The following ANO10 variants were observed in gnomAD, a reference collection of about 807,000 sequenced individuals.
The protein encoded by ANO10 is anoctamin 10, also known as anoctamin-10.
Under a neutral mutation model 74.7 loss-of-function variants are expected in ANO10, and 77 were observed. That is an observed-to-expected ratio of 1.03 (90% CI 0.86 to 1.25). ANO10 has a LOEUF of 1.25. ANO10 is among the 50% of genes most tolerant of loss of function. The pLI, the probability that ANO10 is intolerant of heterozygous loss-of-function variation, is 0.00. For missense variants in ANO10, 721 were observed against 778.1 expected (o/e 0.93, Z 0.87); for synonymous variants, 279 against 284.9 (o/e 0.98, Z 0.21).
At chr3:43,543,763 T>C (rs1038202) in intron 11 of ANO10, among the ~76,000 whole-genome samples, 58,804 of 152,038 alleles carry the variant, frequency 0.39, 11,922 homozygotes, top group African/African-American at 0.45. Context: ...AAAGAAACTG[T>C]AATTAAATGA....
intron 11 of ANO10, among the ~76,000 whole-genome samples, chr3:43,444,571 A>C (rs1431370634): frequency 1.3e-5 from 2 of 152,326 alleles, no homozygotes; most frequent in African/African-American, 4.8e-5. Context: ...CATTTACTTT[A>C]ATTGTATCAA....
At chr3:43,415,268 T>G (rs2092721467) in intron 12 of ANO10, among the ~76,000 whole-genome samples, 1 of 151,938 alleles carries the variant, frequency 6.6e-6, no homozygotes, top group African/African-American at 2.4e-5. Flanking sequence ...TAAGCCACCG[T>G]GCCCGGCTGT....
At chr3:43,676,791 TA>T (rs1474763612) in intron 1 of ANO10, among the ~76,000 whole-genome samples, 1 of 151,806 alleles carries the variant, frequency 6.6e-6, no homozygotes, top group African/African-American at 2.4e-5. Flanking sequence ...ATAAATAGTC[TA>T]AAAAAAGACT....
intron 12 of ANO10, among the ~76,000 whole-genome samples, chr3:43,385,145 T>C (rs372163461): frequency 1.3e-5 from 2 of 152,072 alleles, no homozygotes; most frequent in African/African-American, 4.8e-5. Flanking sequence ...GATGTACAAA[T>C]GGACAACAAG....
At chr3:43,597,494 C>T (rs991101914) in intron 4 of ANO10, among the ~76,000 whole-genome samples, 1 of 152,050 alleles carries the variant, frequency 6.6e-6, no homozygotes, top group Non-Finnish European at 1.5e-5. Flanking sequence ...CCATCATTCT[C>T]AGCAAACTAT....
upstream of ANO10, among the ~76,000 whole-genome samples, chr3:43,625,880 G>A (rs947281250): frequency 2.7e-5 from 4 of 150,222 alleles, no homozygotes; most frequent in Admixed American, 1.3e-4. Context: ...CTTTTACTAC[G>A]TACTACTTCT....
chr3:43,653,831 T>A (rs1350467621), intron 1 of ANO10, among the ~76,000 whole-genome samples: 1 of 151,942 alleles, frequency 6.6e-6, no homozygotes, highest in South Asian at 2.1e-4. Context: ...AGCCCCTCTA[T>A]CCCTTCGGAC....
chr3:43,395,813 T>C (rs1378418492), intron 12 of ANO10, among the ~76,000 whole-genome samples: 1 of 151,632 alleles, frequency 6.6e-6, no homozygotes, highest in Non-Finnish European at 1.5e-5. Flanking sequence ...GGGATTATAC[T>C]GAATCTATAG....
chr3:43,678,606 AC>A (rs1234557060), intron 1 of ANO10, among the ~76,000 whole-genome samples: 7 of 152,082 alleles, frequency 4.6e-5, no homozygotes, highest in Non-Finnish European at 1.0e-4. Flanking sequence ...TCTCACATGA[AC>A]CCCTTTAGAG....
intron 11 of ANO10, among the ~76,000 whole-genome samples, chr3:43,474,253 A>G (rs1207790258): frequency 6.8e-6 from 1 of 147,568 alleles, no homozygotes. Flanking sequence ...TCACATTAGA[A>G]GATTGTCAGC....
At chr3:43,529,532 A>G (rs1380378087) in intron 11 of ANO10, among the ~76,000 whole-genome samples, 1 of 152,200 alleles carries the variant, frequency 6.6e-6, no homozygotes, top group African/African-American at 2.4e-5. Context: ...CAAAGGGGAA[A>G]AGGAAAACTT....
intron 11 of ANO10, among the ~76,000 whole-genome samples, chr3:43,525,605 T>C (rs1372061366): frequency 6.6e-6 from 1 of 152,194 alleles, no homozygotes; most frequent in Non-Finnish European, 1.5e-5. Flanking sequence ...CACCACAAAG[T>C]ACTTTCACCA....
chr3:43,426,839 A>G (rs1412496856), intron 12 of ANO10, among the ~76,000 whole-genome samples: 1 of 152,184 alleles, frequency 6.6e-6, no homozygotes, highest in Non-Finnish European at 1.5e-5. Context: ...AAACTATTTT[A>G]TTTTCCTCAG....
At position 43,523,462 on chromosome 3, in the gene ANO10, C is replaced by T. The variant is rs183582430; in HGVS notation, c.1797+26258G>A. Among the ~76,000 whole-genome samples the T allele has an allele frequency of 3.5e-3, 533 of 152,288 alleles. 3 individuals carry two copies. Among genetic ancestry groups the T allele is most frequent in the African/African-American group, 0.012 (516 of 41,562 alleles). ...CAGAATGGATTAGAGAGCACCAAGA[C>T]TGGGGAGCCTGGATGCCAGTTAAGA... On this transcript the variant is annotated intron_variant, in intron 11 of 12. Transcript: ENST00000292246.
intron 1 of ANO10, chr3:43,690,777 G>A: frequency 4.6e-6 from 2 of 439,548 alleles, no homozygotes; most frequent in Non-Finnish European, 7.9e-6. Flanking sequence ...GCGTCGGGCG[G>A]GAGAACTAGT....
chr3:43,493,967 A>G (rs998180865), intron 11 of ANO10, among the ~76,000 whole-genome samples: 1 of 152,102 alleles, frequency 6.6e-6, no homozygotes, highest in Non-Finnish European at 1.5e-5. Flanking sequence ...AACTCCTGGC[A>G]TTAAGCAATC....
intron 8 of ANO10, 93 bp downstream of exon 8, chr3:43,565,559 TG>T (rs2080270626): frequency 1.0e-6 from 1 of 997,438 alleles, no homozygotes; most frequent in Non-Finnish European, 1.5e-6. Flanking sequence ...AGATTTTATT[TG>T]TAAAAATAAT....
intron 11 of ANO10, among the ~76,000 whole-genome samples, chr3:43,505,681 T>C (rs1283480388): frequency 1.3e-5 from 2 of 152,202 alleles, no homozygotes; most frequent in Non-Finnish European, 2.9e-5. Context: ...GGAGGTGACA[T>C]ACACATTCAC....
In ANO10 at chr3:43,565,842, C is replaced by T. The variant is rs534342097; in HGVS notation, c.1219-115G>A. On this transcript the variant is annotated intron_variant, in intron 7 of 12. Transcript: ENST00000292246. Reference sequence around the variant, plus strand: ...GGGAGCGGGGAGGAGCCAAGAGGGCCGAATAGGAACAGCTCCAGTCTACAG... The same window carrying T: ...GGGAGCGGGGAGGAGCCAAGAGGGCTGAATAGGAACAGCTCCAGTCTACAG... The T allele has an allele frequency of 2.1e-4, 221 of 1,069,118 alleles. 1 individual carries two copies. Among genetic ancestry groups the T allele is most frequent in the African/African-American group, 8.0e-4 (50 of 62,480 alleles). The allele number at this position is 1,069,118 out of a possible 1,614,324, so 66.2% of individuals were successfully genotyped here. A position where few individuals can be genotyped will look rare whatever the true frequency, so the allele number is the denominator to read the frequency against.
Sources: allele counts gnomAD v4.1 joint callset (sites outside exome capture counted in the v4.1 genomes callset), GRCh38; gene constraint gnomAD v4.1.1; transcripts MANE v1.5; gene names NCBI Gene and HGNC (gene_info 2026-07-23, HGNC 2026-07-21).